RAD51B: variants seen among roughly 807,000 people sequenced by gnomAD.
RAD51B encodes DNA repair protein RAD51 homolog 2.
A neutral mutation model predicts 42.2 loss-of-function variants in RAD51B; 38 were observed. The observed-to-expected ratio is 0.90, with a 90% CI of 0.70 to 1.18. The LOEUF (loss-of-function observed/expected upper bound fraction) is 1.18. Among genes scored for constraint, RAD51B ranks in the 50% most tolerant of loss-of-function variants. The probability of loss-of-function intolerance (pLI) is 0.00; values close to 1 mark genes in which losing one functional copy is unlikely to be tolerated. For synonymous variants in RAD51B, 154 were observed against 145.2 expected, an observed-to-expected ratio of 1.06 and a Z score of -0.43; for missense variants, 373 against 400.7, an observed-to-expected ratio of 0.93 and a Z score of 0.59.
intron 7 of RAD51B, among the ~76,000 whole-genome samples, chr14:68,260,800 T>C (rs2080872541): frequency 6.6e-6 from 1 of 152,212 alleles, no homozygotes; most frequent in Admixed American, 6.5e-5. Context: ...TTTTCTGCAC[T>C]CTATCATGCT....
intron 9 of RAD51B, chr14:68,421,948 A>G (rs1353186466): frequency 6.4e-7 from 1 of 1,555,718 alleles, no homozygotes. Context: ...TCATTTTCAA[A>G]TTTCTCCGTG....
rs563574952 is a variant in RAD51B at position 68,093,309 on chromosome 14, G to A, written c.757-198575G>A. 1.7e-3 allele frequency among the ~76,000 whole-genome samples: 256 copies of A among 152,200 alleles called. 1 individual carries two copies. The highest frequency in any genetic ancestry group is 4.3e-3 in the African/African-American group (177 of 41,516). On this transcript the variant is annotated intron_variant, in intron 7 of 10. Coordinates refer to ENST00000471583, the MANE Select transcript of RAD51B (RefSeq NM_133510.4). ...CCTCCTTGTACCTCTGGTAGAATTC[G>A]GCTGTGAATCCATCTGGTCCTGGAC...
chr14:68,169,077 A>C (rs2078813776), intron 7 of RAD51B, among the ~76,000 whole-genome samples: 1 of 152,154 alleles, frequency 6.6e-6, no homozygotes, highest in Non-Finnish European at 1.5e-5. Flanking sequence ...TTTCCTAATC[A>C]CTATAACAGC....
At chr14:67,856,519 T>G (rs1014097754) in intron 4 of RAD51B, among the ~76,000 whole-genome samples, 2 of 152,192 alleles carry the variant, frequency 1.3e-5, no homozygotes, top group African/African-American at 4.8e-5. Flanking sequence ...AAAATATTTT[T>G]TAATGAAGCT....
intron 11 of RAD51B, among the ~76,000 whole-genome samples, chr14:68,660,995 C>T (rs2140145895): frequency 6.6e-6 from 1 of 152,236 alleles, no homozygotes; most frequent in African/African-American, 2.4e-5. Context: ...GGGGAAAGTC[C>T]CCTAGAGCCT....
intron 7 of RAD51B, 89 bp from the exon 8 acceptor site, chr14:68,291,795 T>A: frequency 1.0e-6 from 1 of 995,166 alleles, no homozygotes; most frequent in South Asian, 1.4e-5. Context: ...TAAACCATAG[T>A]CTGCCTTTTG....
At chr14:68,071,090 G>A (rs1050124637) in intron 7 of RAD51B, among the ~76,000 whole-genome samples, 5 of 151,792 alleles carry the variant, frequency 3.3e-5, no homozygotes, top group African/African-American at 1.2e-4. Context: ...CTTGGATATT[G>A]TTGATGTATG....
chr14:68,260,298 C>CGTGTGTGTGTGTGTGT lies in RAD51B; in HGVS notation c.757-31580_757-31565dup, dbSNP rs71281749. Among the ~76,000 whole-genome samples, 766 of 96,656 alleles carry CGTGTGTGTGTGTGTGT rather than the reference C, an allele frequency of 7.9e-3. 99 individuals carry two copies. The highest frequency in any genetic ancestry group is 0.035 in the African/African-American group (620 of 17,732). The allele number at this position is 96,656 out of a possible 152,430, so 63.4% of individuals were successfully genotyped here. On this transcript the variant is annotated intron_variant, in intron 7 of 10. Transcript: ENST00000471583. ...AAGAGGGCCAGTGTGGCTGAGAGAC[C>CGTGTGTGTGTGTGTGT]GTGTGTGTGTGTGTGTGTGTGGAGA... is the stretch of plus-strand genomic sequence containing the variant.
intron 8 of RAD51B, among the ~76,000 whole-genome samples, chr14:68,348,047 A>C (rs1364641593): frequency 6.6e-6 from 1 of 152,168 alleles, no homozygotes; most frequent in African/African-American, 2.4e-5. Flanking sequence ...CTATCTTGGC[A>C]CCCAATGGTA....
chr14:68,533,052 AC>A (rs1887409385), intron 10 of RAD51B, among the ~76,000 whole-genome samples: 1 of 152,218 alleles, frequency 6.6e-6, no homozygotes, highest in African/African-American at 2.4e-5. Flanking sequence ...TGGAAGTCCT[AC>A]CAGTGCAATG....
intron 7 of RAD51B, among the ~76,000 whole-genome samples, chr14:68,178,440 G>C (rs1054048016): frequency 6.6e-6 from 1 of 152,040 alleles, no homozygotes; most frequent in Non-Finnish European, 1.5e-5. Flanking sequence ...AAAGAAACAG[G>C]GTTCCCTACT....
intron 7 of RAD51B, among the ~76,000 whole-genome samples, chr14:68,272,667 T>TATATATA (rs58531356): frequency 3.3e-3 from 16 of 4,782 alleles, no homozygotes; most frequent in Admixed American, 5.1e-3. Context: ...ATATATATAT[T>TATATATA]TTTTTTTTTT....
At chr14:68,492,798 C>T (rs972517437) in intron 10 of RAD51B, among the ~76,000 whole-genome samples, 4 of 152,184 alleles carry the variant, frequency 2.6e-5, no homozygotes, top group African/African-American at 9.7e-5. Context: ...TCTCCAGGAC[C>T]TCATACCAAG....
Position 68,439,128 on chromosome 14 carries a change from G to A in RAD51B, c.957+27601G>A, listed in dbSNP as rs558214909. Among the ~76,000 whole-genome samples the A allele has an allele frequency of 2.6e-5, 4 of 151,006 alleles. No homozygotes were observed. In the South Asian group the frequency reaches 6.3e-4, roughly 24 times the overall value. ...TGGAGAGGAGGGATGAAGGGCAGAA[G>A]TATGAGAGAAGCCATGTATTTTTGT... On this transcript the variant is annotated intron_variant, in intron 9 of 10. Coordinates refer to ENST00000471583, the MANE Select transcript of RAD51B (RefSeq NM_133510.4).
At position 68,438,179 on chromosome 14, in the gene RAD51B, C is replaced by T. The variant is rs564464734; in HGVS notation, c.957+26652C>T. Among the ~76,000 whole-genome samples the T allele has an allele frequency of 5.3e-4, 80 of 152,200 alleles. 1 individual carries two copies. Among genetic ancestry groups the T allele is most frequent in the African/African-American group, 1.9e-3 (79 of 41,502 alleles). On this transcript the variant is annotated intron_variant, in intron 9 of 10. Transcript: ENST00000471583. ...TTGTACCTTCCAAGTCTCCCTTTGG[C>T]AAGAGTTTTCCATACAGATTTGGAG...
chr14:68,593,163 A>G (rs1461356791), intron 10 of RAD51B, among the ~76,000 whole-genome samples: 3 of 152,270 alleles, frequency 2.0e-5, no homozygotes, highest in African/African-American at 7.2e-5. Flanking sequence ...GCAGGGCTCC[A>G]GAGCTAGGCT....
intron 7 of RAD51B, among the ~76,000 whole-genome samples, chr14:68,199,713 T>A (rs1490161000): frequency 6.6e-6 from 1 of 152,344 alleles, no homozygotes; most frequent in South Asian, 2.1e-4. Flanking sequence ...CTACAGCCAC[T>A]CTCCCTCTAG....
At chr14:68,128,558 G>A (rs1320490075) in intron 7 of RAD51B, among the ~76,000 whole-genome samples, 1 of 152,136 alleles carries the variant, frequency 6.6e-6, no homozygotes, top group East Asian at 1.9e-4. Context: ...TGGGTGTGGT[G>A]TTACACGCCT....
At chr14:68,269,088 G>C (rs1186997789) in intron 7 of RAD51B, among the ~76,000 whole-genome samples, 1 of 152,178 alleles carries the variant, frequency 6.6e-6, no homozygotes, top group African/African-American at 2.4e-5. Flanking sequence ...TGAAGAAGAA[G>C]AGCTTTGGTA....
Sources: gnomAD v4.1 joint callset for allele counts (sites outside exome capture counted in the v4.1 genomes callset) on GRCh38, gnomAD v4.1.1 for gene constraint, MANE v1.5 for transcripts, NCBI Gene and HGNC (gene_info 2026-07-23, HGNC 2026-07-21) for gene names.